Variants in PIK3C2G observed in about 807,000 individuals in gnomAD.
PIK3C2G encodes the protein phosphatidylinositol 3-kinase C2 domain-containing subunit gamma.
Under a neutral mutation model 181.1 loss-of-function variants are expected in PIK3C2G, and 168 were observed. That is an observed-to-expected ratio of 0.93 (90% CI 0.82 to 1.05). The LOEUF (loss-of-function observed/expected upper bound fraction) is 1.05, where lower values mean the gene tolerates loss of function less well. Among genes scored for constraint, PIK3C2G ranks in the 50% least tolerant of loss-of-function variants. PIK3C2G has a pLI of 0.00. For synonymous variants in PIK3C2G, 573 were observed against 592.2 expected, an observed-to-expected ratio of 0.97 and a Z score of 0.47; for missense variants, 1,869 against 1,732.8, an observed-to-expected ratio of 1.08 and a Z score of -1.40.
intron 31 of PIK3C2G, among the ~76,000 whole-genome samples, chr12:18,627,256 T>C (rs961612774): frequency 6.6e-6 from 1 of 152,070 alleles, no homozygotes; most frequent in Non-Finnish European, 1.5e-5. Context: ...TTCTCAAACT[T>C]CTCATTTTGT....
intron 5 of PIK3C2G, among the ~76,000 whole-genome samples, chr12:18,309,827 A>G (rs1950566803): frequency 6.6e-6 from 1 of 151,848 alleles, no homozygotes; most frequent in African/African-American, 2.4e-5. Flanking sequence ...ACATTTTGAT[A>G]ACTACTTCTC....
At chr12:18,365,813 T>C (rs1941603625) in intron 12 of PIK3C2G, among the ~76,000 whole-genome samples, 1 of 152,100 alleles carries the variant, frequency 6.6e-6, no homozygotes, top group Non-Finnish European at 1.5e-5. Flanking sequence ...TAAACTAAAT[T>C]TCTGATCTTA....
chr12:18,356,454 G>A (rs1191811063), intron 11 of PIK3C2G, among the ~76,000 whole-genome samples: 1 of 151,986 alleles, frequency 6.6e-6, no homozygotes, highest in Non-Finnish European at 1.5e-5. Flanking sequence ...GCATCTGGGG[G>A]GTACCTACAA....
chr12:18,706,071 G>A, the PIK3C2G span, among the ~76,000 whole-genome samples: 15 of 151,238 alleles, frequency 9.9e-5, no homozygotes, highest in African/African-American at 3.2e-4. Flanking sequence ...TACTAAAAAT[G>A]CAAAAAAGAA....
intron 16 of PIK3C2G, among the ~76,000 whole-genome samples, chr12:18,407,106 G>A (rs58825851): frequency 0.11 from 16,906 of 151,998 alleles, 1,289 homozygotes; most frequent in Admixed American, 0.27. Flanking sequence ...AGGTACATAT[G>A]AGAGCATTCA....
the PIK3C2G span, among the ~76,000 whole-genome samples, chr12:18,686,085 GC>G: frequency 6.6e-6 from 1 of 151,886 alleles, no homozygotes; most frequent in Non-Finnish European, 1.5e-5. Flanking sequence ...TTCTTGTCCA[GC>G]CATCTGGACG....
intron 5 of PIK3C2G, among the ~76,000 whole-genome samples, chr12:18,296,964 A>G (rs1228867413): frequency 2.0e-5 from 3 of 152,104 alleles, no homozygotes; most frequent in Non-Finnish European, 2.9e-5. Flanking sequence ...CCTGTTCTTT[A>G]ACTCCCGGTT....
At chr12:18,725,045 A>G in the PIK3C2G span, among the ~76,000 whole-genome samples, 1 of 152,184 alleles carries the variant, frequency 6.6e-6, no homozygotes, top group Admixed American at 6.6e-5. Context: ...TGGAGATATA[A>G]GTCCAAACAA....
At chr12:18,407,012 T>C (rs1944574970) in intron 16 of PIK3C2G, among the ~76,000 whole-genome samples, 1 of 152,138 alleles carries the variant, frequency 6.6e-6, no homozygotes. Flanking sequence ...ATTCCTTGAA[T>C]GACCTTGGAC....
upstream of PIK3C2G, among the ~76,000 whole-genome samples, chr12:18,244,296 A>T (rs537120343): frequency 4.6e-5 from 7 of 152,184 alleles, no homozygotes; most frequent in Non-Finnish European, 8.8e-5. Flanking sequence ...TAAAAATAAA[A>T]GAATACTAAG....
intron 30 of PIK3C2G, chr12:18,607,294 T>C (rs982722579): frequency 2.5e-6 from 1 of 407,908 alleles, no homozygotes; most frequent in African/African-American, 2.1e-5. Context: ...AACATACGAA[T>C]GAAAGTATAG....
intron 24 of PIK3C2G, among the ~76,000 whole-genome samples, chr12:18,510,913 A>G (rs901235241): frequency 6.6e-6 from 1 of 152,152 alleles, no homozygotes; most frequent in African/African-American, 2.4e-5. Context: ...TAGTCAACTG[A>G]TGGACAATAG....
At chr12:18,278,013 CT>C (rs557510547) in intron 1 of PIK3C2G, among the ~76,000 whole-genome samples, 4 of 152,072 alleles carry the variant, frequency 2.6e-5, no homozygotes, top group African/African-American at 9.7e-5. Flanking sequence ...TAATAGAGAG[CT>C]TTTTTGTGTG....
At chr12:18,324,912 C>A in intron 7 of PIK3C2G, 123 bp from the exon 8 acceptor site, 1 of 551,438 alleles carries the variant, frequency 1.8e-6, no homozygotes, top group South Asian at 2.8e-5. Flanking sequence ...CAACAATAAT[C>A]CTTTTTATAC....
chr12:18,405,765 A>C (rs1944495770), intron 16 of PIK3C2G, among the ~76,000 whole-genome samples: 1 of 152,196 alleles, frequency 6.6e-6, no homozygotes, highest in Non-Finnish European at 1.5e-5. Context: ...TTTAATTGAC[A>C]TAATAATTGT....
At chr12:18,414,127 C>T (rs1212442357) in intron 16 of PIK3C2G, among the ~76,000 whole-genome samples, 1 of 152,030 alleles carries the variant, frequency 6.6e-6, no homozygotes, top group Non-Finnish European at 1.5e-5. Context: ...AATTTTAAGG[C>T]AACTAAAAAG....
At chr12:18,535,171 C>A (rs1384066644) in intron 24 of PIK3C2G, among the ~76,000 whole-genome samples, 1 of 151,962 alleles carries the variant, frequency 6.6e-6, no homozygotes, top group Non-Finnish European at 1.5e-5. Context: ...TTTATCCTAA[C>A]TGAAATTTCT....
Position 18,282,413 on chromosome 12 carries a change from C to T in PIK3C2G, c.332C>T (p.Pro111Leu), listed in dbSNP as rs941803065. ...AAAGCACCAGCAATTGGTTTTAGTCCTTCTGTGTTACCAAAACCTCAAAAT... is the reference window on the plus strand; with the variant it reads ...AAAGCACCAGCAATTGGTTTTAGTCTTTCTGTGTTACCAAAACCTCAAAAT... ...VSKAPAIGFS[P>L]SVLPKPQNTN... The change falls in exon 2 of 33, where the codon CCT (proline) becomes CTT (leucine). Residue 111 changes from proline to leucine, a missense_variant. Transcript: ENST00000538779. 6.2e-7 allele frequency: 1 copy of T among 1,612,634 alleles called. No individual in the cohort carries two copies. Among genetic ancestry groups the T allele is most frequent in the Admixed American group, 1.7e-5 (1 of 59,988 alleles).
intron 5 of PIK3C2G, among the ~76,000 whole-genome samples, chr12:18,307,637 C>G (rs969256617): frequency 6.6e-6 from 1 of 151,974 alleles, no homozygotes; most frequent in African/African-American, 2.4e-5. Context: ...TTTCATTTCT[C>G]TTTCTCTTGG....
Sources: gnomAD v4.1 joint callset for allele counts (sites outside exome capture counted in the v4.1 genomes callset) on GRCh38, gnomAD v4.1.1 for gene constraint, MANE v1.5 for transcripts, NCBI Gene and HGNC (gene_info 2026-07-23, HGNC 2026-07-21) for gene names.